TBC1D9: variants seen among roughly 807,000 people sequenced by gnomAD.
TBC1D9 encodes the protein TBC1 domain family member 9A.
Under a neutral mutation model 132.0 loss-of-function variants are expected in TBC1D9, and 63 were observed. That is an observed-to-expected ratio of 0.48 (90% CI 0.39 to 0.59). The LOEUF (loss-of-function observed/expected upper bound fraction) is 0.59. Ranked by LOEUF, TBC1D9 falls within the 20% of genes least tolerant of loss-of-function variation. The pLI, the probability that TBC1D9 is intolerant of heterozygous loss-of-function variation, is 0.00. For synonymous variants in TBC1D9, 610 were observed against 609.9 expected, an observed-to-expected ratio of 1.00 and a Z score of 0.00; for missense variants, 1,261 against 1,592.7, an observed-to-expected ratio of 0.79 and a Z score of 3.54.
At chr4:140,698,035 G>A (rs931858960) in intron 2 of TBC1D9, among the ~76,000 whole-genome samples, 1 of 152,142 alleles carries the variant, frequency 6.6e-6, no homozygotes, top group Non-Finnish European at 1.5e-5. Flanking sequence ...GAGGTGGAGG[G>A]GTTTGGTGGC....
chr4:140,660,116 G>A lies in TBC1D9; in HGVS notation c.1804-411C>T, dbSNP rs183177827. On this transcript the variant is annotated intron_variant, in intron 10 of 20. Transcript: ENST00000442267. Reference sequence around the variant, plus strand: ...GTAAACATTTCCTTTGTAACTTTCCGTAATGGTTTCTATAATCAGGTACAC... The same window carrying A: ...GTAAACATTTCCTTTGTAACTTTCCATAATGGTTTCTATAATCAGGTACAC... Among the ~76,000 whole-genome samples, 252 of 152,236 alleles carry A rather than the reference G, an allele frequency of 1.7e-3. 3 individuals are homozygous for A. The highest frequency in any genetic ancestry group is 4.2e-3 in the South Asian group (20 of 4,816).
intron 1 of TBC1D9, among the ~76,000 whole-genome samples, chr4:140,705,927 T>C (rs1738143894): frequency 6.6e-6 from 1 of 152,220 alleles, no homozygotes; most frequent in African/African-American, 2.4e-5. Flanking sequence ...ATTACATTAG[T>C]ACAGTGGCAT....
rs1578840852 is a variant in TBC1D9, at chr4:140,687,365, T to TC, written c.242-904_242-903insG. On this transcript the variant is annotated intron_variant, in intron 2 of 20. Coordinates refer to ENST00000442267, the MANE Select transcript of TBC1D9 (RefSeq NM_015130.3). The stretch of plus-strand genomic sequence containing the variant: ...TGTCATATATATATATATATATATA[T>TC]ATATATATATATATATATATATATA... Among the ~76,000 whole-genome samples the TC allele has an allele frequency of 9.4e-5, 7 of 74,434 alleles. 1 individual carries two copies. The highest frequency in any genetic ancestry group is 8.3e-4 in the East Asian group (2 of 2,420). 48.8% of individuals were successfully genotyped at this position (74,434 alleles called of 152,430 possible).
chr4:140,691,520 G>A lies in TBC1D9; in HGVS notation c.242-5058C>T, dbSNP rs372943680. Among the ~76,000 whole-genome samples the A allele has an allele frequency of 3.3e-5, 5 of 152,268 alleles. No individual in the cohort carries two copies. In the East Asian group the frequency reaches 5.8e-4, roughly 18 times the overall value. ...AGGACACTCAGAAGAGAAAGGAAGG[G>A]CTTGGCTGTTGATTTTCTGGAAAGG... On this transcript the variant is annotated intron_variant, in intron 2 of 20. Coordinates refer to ENST00000442267, the MANE Select transcript of TBC1D9 (RefSeq NM_015130.3).
At chr4:140,685,277 G>A (rs1737762139) in intron 3 of TBC1D9, among the ~76,000 whole-genome samples, 1 of 152,176 alleles carries the variant, frequency 6.6e-6, no homozygotes, top group Admixed American at 6.5e-5. Context: ...CTCTACAATG[G>A]AGAAATTGGA....
At chr4:140,677,455 G>T (rs973765525) in intron 5 of TBC1D9, among the ~76,000 whole-genome samples, 4 of 152,048 alleles carry the variant, frequency 2.6e-5, no homozygotes, top group Non-Finnish European at 5.9e-5. Flanking sequence ...ACTTTAGGGG[G>T]GGCCTTATCT....
In TBC1D9 at chr4:140,676,945, A is replaced by G; in HGVS notation, c.1008T>C (p.Cys336=). ...ATAAGTTCTCCTCCTTGCTGGTAAA[A>G]CAGATGTAATTTGTGGACACAAACA... The part of the protein sequence containing the change: ...GQMFVSTNYI[C]FTSKEENLCS... The change falls in exon 6 of 21, where the codon TGT becomes TGC. Residue 336 remains cysteine, a synonymous_variant. Coordinates refer to ENST00000442267, the MANE Select transcript of TBC1D9 (RefSeq NM_015130.3). 4.3e-6 allele frequency: 7 copies of G among 1,614,018 alleles called. No homozygotes were observed. Among genetic ancestry groups the G allele is most frequent in the Non-Finnish European group, 5.9e-6 (7 of 1,179,884 alleles).
chr4:140,676,155 T>C (rs1362377324), intron 6 of TBC1D9, among the ~76,000 whole-genome samples: 1 of 152,218 alleles, frequency 6.6e-6, no homozygotes, highest in East Asian at 1.9e-4. Context: ...TTACTCGGCG[T>C]AGCCCATTTC....
intron 10 of TBC1D9, among the ~76,000 whole-genome samples, chr4:140,660,276 A>G (rs1404613176): frequency 6.6e-6 from 1 of 152,204 alleles, no homozygotes; most frequent in African/African-American, 2.4e-5. Context: ...GTTTATTAAA[A>G]GATATTATCA....
At chr4:140,674,414 A>G (rs1244251554) in intron 6 of TBC1D9, among the ~76,000 whole-genome samples, 1 of 152,170 alleles carries the variant, frequency 6.6e-6, no homozygotes, top group African/African-American at 2.4e-5. Flanking sequence ...CTTAAAGAAA[A>G]TTATACATAT....
intron 10 of TBC1D9, 150 bp from the exon 11 acceptor site, chr4:140,659,855 C>G (rs1027558477): frequency 1.7e-6 from 1 of 595,160 alleles, no homozygotes; most frequent in African/African-American, 1.9e-5. Context: ...GGAGGCTTTA[C>G]ACATAGTCTC....
At chr4:140,644,033 G>A (rs1277803175) in intron 13 of TBC1D9, 6 of 472,480 alleles carry the variant, frequency 1.3e-5, no homozygotes, top group East Asian at 9.3e-5. Flanking sequence ...ACAGGAGGAT[G>A]AGCTTGTCTT....
At chr4:140,664,185 T>A (rs937718883) in intron 9 of TBC1D9, among the ~76,000 whole-genome samples, 1 of 152,086 alleles carries the variant, frequency 6.6e-6, no homozygotes. Flanking sequence ...CTTAAATATA[T>A]ATACTTTTTA....
At chr4:140,663,953 CT>C (rs1737404117) in intron 9 of TBC1D9, among the ~76,000 whole-genome samples, 1 of 149,052 alleles carries the variant, frequency 6.7e-6, no homozygotes, top group African/African-American at 2.5e-5. Context: ...TGAAAATGTT[CT>C]GAAGATCTAA....
chr4:140,725,123 C>T (rs116226539), intron 1 of TBC1D9, among the ~76,000 whole-genome samples: 2,483 of 152,208 alleles, frequency 0.016, 36 homozygotes, highest in Non-Finnish European at 0.023. Context: ...TTTATTGCAA[C>T]AGTTTTATAG....
intron 1 of TBC1D9, among the ~76,000 whole-genome samples, chr4:140,708,995 C>G (rs1357278367): frequency 6.6e-6 from 1 of 152,036 alleles, no homozygotes; most frequent in Non-Finnish European, 1.5e-5. Context: ...ATGGTGGGAG[C>G]AATTTTGTTT....
intron 1 of TBC1D9, among the ~76,000 whole-genome samples, chr4:140,751,634 G>T (rs551265100): frequency 6.6e-6 from 1 of 152,230 alleles, no homozygotes; most frequent in South Asian, 2.1e-4. Context: ...AAGAATCTCT[G>T]TTCATTCTTT....
At chr4:140,629,414 A>C (rs889604633) in intron 16 of TBC1D9, among the ~76,000 whole-genome samples, 1 of 152,234 alleles carries the variant, frequency 6.6e-6, no homozygotes, top group Non-Finnish European at 1.5e-5. Context: ...AAAATGGTTT[A>C]GAACTACTCC....
chr4:140,640,876 C>CATATATATGTGTGTGTGTGT (rs148362485), intron 13 of TBC1D9, among the ~76,000 whole-genome samples: 3,983 of 151,380 alleles, frequency 0.026, 163 homozygotes, highest in East Asian at 0.094. Flanking sequence ...CCCCAAGAAG[C>CATATATATGTGTGTGTGTGT]ATATACATAT....
Sources: gnomAD v4.1 joint callset for allele counts (sites outside exome capture counted in the v4.1 genomes callset) on GRCh38, gnomAD v4.1.1 for gene constraint, MANE v1.5 for transcripts, NCBI Gene and HGNC (gene_info 2026-07-23, HGNC 2026-07-21) for gene names.